Variants in RELN observed in about 807,000 individuals in gnomAD.
RELN encodes reelin.
In RELN, 108 loss-of-function variants were observed where a neutral mutation model predicts 427.6. The observed-to-expected ratio is 0.25, with a 90% confidence interval of 0.22 to 0.30. The LOEUF (loss-of-function observed/expected upper bound fraction) is 0.30. RELN is among the 10% of genes least tolerant of loss of function. The pLI is 1.00. For synonymous variants in RELN, 1,524 were observed against 1,513.4 expected (o/e 1.01, Z -0.16); for missense variants, 3,715 against 4,302.8 (o/e 0.86, Z 3.82).
rs545498382 is a variant in RELN, at chr7:103,714,046, A to G, written c.805+9094T>C. Among the ~76,000 whole-genome samples, 9 of 152,296 alleles carry G rather than the reference A, an allele frequency of 5.9e-5. No individual in the cohort carries two copies. The East Asian group carries it at 1.7e-3, about 29-fold the overall frequency. ...CTAACTCATGAACAGTATCTAAAAT[A>G]TGACTCCCAGTCTTAGGCATATAAT... is the stretch of plus-strand genomic sequence containing the variant. On this transcript the variant is annotated intron_variant, in intron 8 of 64. Transcript: ENST00000428762.
chr7:103,698,145 T>C, intron 9 of RELN, 52 bp from the exon 10 acceptor site: 1 of 1,610,236 alleles, frequency 6.2e-7, no homozygotes, highest in East Asian at 2.2e-5. Context: ...TTTTCTTTCT[T>C]AGAGATGAAT....
At chr7:103,552,153 T>C (rs1017767988) in intron 40 of RELN, among the ~76,000 whole-genome samples, 2 of 152,176 alleles carry the variant, frequency 1.3e-5, no homozygotes, top group Non-Finnish European at 2.9e-5. Flanking sequence ...TGTCTTTATG[T>C]AAAGACCTTT....
chr7:103,603,092 T>C lies in RELN; in HGVS notation c.3333+212A>G, dbSNP rs1344565053. Among the ~76,000 whole-genome samples, 1 of 152,184 alleles carries C rather than the reference T, an allele frequency of 6.6e-6. No homozygotes were observed. Among genetic ancestry groups the C allele is most frequent in the Non-Finnish European group, 1.5e-5 (1 of 68,040 alleles). On this transcript the variant is annotated intron_variant, in intron 24 of 64. Transcript: ENST00000428762. The surrounding 1 kb of genome is among the most constrained non-coding windows in gnomAD (Gnocchi z 4.3). Reference sequence around the variant, plus strand: ...AGGAGGGTAGAAGTTTTAAACTGGCTTAACCTGATTTTTTAGTAACCAAAA... The same window carrying C: ...AGGAGGGTAGAAGTTTTAAACTGGCCTAACCTGATTTTTTAGTAACCAAAA...
Position 103,909,720 on chromosome 7 carries a change from TA to T in RELN, c.337+7354del, listed in dbSNP as rs1283982542. Among the ~76,000 whole-genome samples, 92 of 33,194 alleles carry T rather than the reference TA, an allele frequency of 2.8e-3. 6 individuals carry two copies. Among genetic ancestry groups the T allele is most frequent in the African/African-American group, 8.9e-3 (74 of 8,334 alleles). The allele number at this position is 33,194 out of a possible 152,430, so 21.8% of individuals were successfully genotyped here. ...ATATTTAATATATATAAATATATAT[TA>T]AATATATTTTTTAATATATATAAAT... On this transcript the variant is annotated intron_variant, in intron 2 of 64. Transcript: ENST00000428762.
chr7:103,982,145 G>A (rs1236346290), intron 1 of RELN, among the ~76,000 whole-genome samples: 2 of 151,980 alleles, frequency 1.3e-5, no homozygotes, highest in Admixed American at 6.6e-5. Flanking sequence ...CAGCCTGGGC[G>A]ACACTGAGAC....
chr7:103,555,509 G>A (rs192582587), intron 38 of RELN, among the ~76,000 whole-genome samples: 1 of 152,210 alleles, frequency 6.6e-6, no homozygotes, highest in African/African-American at 2.4e-5. Flanking sequence ...CAATCCCTCC[G>A]TCACCCAGGC....
In RELN at chr7:103,527,300, C is replaced by T. The variant is rs150550629; in HGVS notation, c.7350-3769G>A. Among the ~76,000 whole-genome samples, 1,054 of 152,214 alleles carry T rather than the reference C, an allele frequency of 6.9e-3. 14 individuals carry two copies. Among genetic ancestry groups the T allele is most frequent in the African/African-American group, 0.024 (992 of 41,542 alleles). ...TCCTTCCCTGAAATATCTTTTACTT[C>T]GAAAGAGATACATAAAATATTTAAG... On this transcript the variant is annotated intron_variant, in intron 46 of 64. Transcript: ENST00000428762.
At chr7:103,743,670 C>T (rs1474489190) in intron 6 of RELN, among the ~76,000 whole-genome samples, 4 of 152,102 alleles carry the variant, frequency 2.6e-5, no homozygotes, top group South Asian at 2.1e-4. Context: ...CAAAGAAGGA[C>T]GTTACATAAT....
intron 15 of RELN, 123 bp from the exon 16 acceptor site, chr7:103,650,506 C>G (rs1832892484): frequency 1.4e-6 from 1 of 732,378 alleles, no homozygotes; most frequent in African/African-American, 1.7e-5. Context: ...TACCAATAAA[C>G]TCTTTAAATT....
At chr7:103,776,761 G>A in intron 3 of RELN, 134 bp from the exon 4 acceptor site, 1 of 889,110 alleles carries the variant, frequency 1.1e-6, no homozygotes, top group Non-Finnish European at 1.8e-6. Context: ...TACATCAGAA[G>A]AGTGATATAA....
chr7:103,629,946 G>A lies in RELN; in HGVS notation c.2696C>T (p.Thr899Ile). Residue 899 changes from threonine to isoleucine, a missense_variant, in exon 20 of 65, where the codon ACC (threonine) becomes ATC (isoleucine). Transcript: ENST00000428762. ...ACAATGATGAAATCCTTACCAAAGGGTCCAGTCGTGGCCACAGTATGGCTG... is the reference window on the plus strand; with the variant it reads ...ACAATGATGAAATCCTTACCAAAGGATCCAGTCGTGGCCACAGTATGGCTG... ...NVQPYCGHDW[T>I]LCFTGDSKLA... is the part of the protein sequence containing the mutation. 1 of 1,584,618 alleles carries A rather than the reference G, an allele frequency of 6.3e-7. No individual in the cohort carries two copies. The highest frequency in any genetic ancestry group is 8.7e-7 in the Non-Finnish European group (1 of 1,153,290).
intron 3 of RELN, among the ~76,000 whole-genome samples, chr7:103,832,830 C>T (rs1315766613): frequency 6.6e-6 from 1 of 152,120 alleles, no homozygotes; most frequent in Non-Finnish European, 1.5e-5. Context: ...CCATTTTCTG[C>T]TTGGCACTAA....
At chr7:103,639,424 G>A (rs1478519725) in intron 17 of RELN, among the ~76,000 whole-genome samples, 1 of 147,802 alleles carries the variant, frequency 6.8e-6, no homozygotes, top group East Asian at 2.0e-4. Context: ...TTTTGAGATG[G>A]AGTCTCACTC....
At chr7:103,799,035 C>T (rs1210176731) in intron 3 of RELN, among the ~76,000 whole-genome samples, 1 of 152,130 alleles carries the variant, frequency 6.6e-6, no homozygotes, top group Admixed American at 6.6e-5. Flanking sequence ...CCCCTCTTTT[C>T]TTTTTGCTTC....
At position 103,855,947 on chromosome 7, in the gene RELN, AG is replaced by A. The variant is rs1182900219; in HGVS notation, c.338-22276del. The stretch of plus-strand genomic sequence containing the variant: ...GTCTCACTATGAAGTACTAGGGGTC[AG>A]GACTTCAACACAGCATTTTGTGGAG... On this transcript the variant is annotated intron_variant, in intron 2 of 64. Coordinates refer to ENST00000428762, the MANE Select transcript of RELN (RefSeq NM_005045.4). Among the ~76,000 whole-genome samples, 9 of 152,306 alleles carry A rather than the reference AG, an allele frequency of 5.9e-5. No homozygotes were observed. In the East Asian group the frequency reaches 1.4e-3, roughly 23 times the overall value.
intron 2 of RELN, among the ~76,000 whole-genome samples, chr7:103,862,954 A>G (rs1268958126): frequency 1.3e-5 from 2 of 152,314 alleles, no homozygotes; most frequent in African/African-American, 2.4e-5. Context: ...CCATCTATTC[A>G]AGTTCATCTC....
rs533760986 is a variant in RELN at position 103,732,906 on chromosome 7, G to A, written c.657-4699C>T. 1.8e-4 allele frequency among the ~76,000 whole-genome samples: 28 copies of A among 152,132 alleles called. No homozygotes were observed. In the South Asian group the frequency reaches 5.8e-3, roughly 32 times the overall value. ...TGGTAGTTTCTTTTGCTGTGCAGAAGCTCTTTAGTTTAATTAGATCCCATT... is the reference window on the plus strand; with the variant it reads ...TGGTAGTTTCTTTTGCTGTGCAGAAACTCTTTAGTTTAATTAGATCCCATT... On this transcript the variant is annotated intron_variant, in intron 6 of 64. Transcript: ENST00000428762.
intron 29 of RELN, among the ~76,000 whole-genome samples, chr7:103,574,998 T>TA (rs1256463407): frequency 6.6e-6 from 1 of 152,140 alleles, no homozygotes; most frequent in Non-Finnish European, 1.5e-5. Context: ...ATTTTAAATG[T>TA]AAAAAATAAC....
intron 1 of RELN, among the ~76,000 whole-genome samples, chr7:103,920,243 C>A (rs1795582427): frequency 6.6e-6 from 1 of 152,086 alleles, no homozygotes; most frequent in South Asian, 2.1e-4. Flanking sequence ...AGTAGACTTG[C>A]ATAAGTAGAA....
Sources: gnomAD v4.1 joint callset for allele counts (sites outside exome capture counted in the v4.1 genomes callset) on GRCh38, gnomAD v4.1.1 for gene constraint, Gnocchi (gnomAD v3.1) non-coding constraint, MANE v1.5 for transcripts, NCBI Gene and HGNC (gene_info 2026-07-23, HGNC 2026-07-21) for gene names.